Variants in MAP2K6 observed in about 807,000 individuals in gnomAD.
MAP2K6 encodes dual specificity mitogen-activated protein kinase kinase 6.
Under a neutral mutation model 53.7 loss-of-function variants are expected in MAP2K6, and 16 were observed. The ratio of observed to expected loss-of-function variants is 0.30; its 90% CI spans 0.20 to 0.45. The LOEUF is 0.45. Ranked by LOEUF, MAP2K6 falls within the 20% of genes least tolerant of loss-of-function variation. The pLI is 1.00. For synonymous variants in MAP2K6, 132 were observed against 143.1 expected (o/e 0.92, Z 0.55); for missense variants, 204 against 411.9 (o/e 0.50, Z 4.37).
In MAP2K6 at chr17:69,436,517, G is replaced by T. The variant is rs1359191854; in HGVS notation, c.16+21517G>T. Among the ~76,000 whole-genome samples, 10 of 152,336 alleles carry T rather than the reference G, an allele frequency of 6.6e-5. No homozygotes were observed. The East Asian group carries it at 1.9e-3, about 29-fold the overall frequency. On this transcript the variant is annotated intron_variant, in intron 1 of 11. Coordinates refer to ENST00000590474, the MANE Select transcript of MAP2K6 (RefSeq NM_002758.4). ...ATTCAGGCTCGGTGCCTGGCACGTA[G>T]TAGGTGGTCAACAAGTACCTTTAGA... is the stretch of plus-strand genomic sequence containing the variant.
At chr17:69,506,500 C>T (rs1186691022) in intron 2 of MAP2K6, among the ~76,000 whole-genome samples, 2 of 151,648 alleles carry the variant, frequency 1.3e-5, no homozygotes, top group African/African-American at 4.9e-5. Flanking sequence ...CCTACCAAGG[C>T]ATCTGCATGA....
At chr17:69,512,942 A>G (rs188355356) in intron 2 of MAP2K6, among the ~76,000 whole-genome samples, 2 of 152,338 alleles carry the variant, frequency 1.3e-5, no homozygotes, top group East Asian at 3.9e-4. Flanking sequence ...CTGGTTGTTC[A>G]TATAAAAAAA....
intron 10 of MAP2K6, among the ~76,000 whole-genome samples, chr17:69,528,490 T>C (rs1396271771): frequency 3.9e-5 from 6 of 152,122 alleles, no homozygotes; most frequent in African/African-American, 1.2e-4. Context: ...AAGACTTGTT[T>C]TTTGTGGATG....
chr17:69,485,823 A>G (rs1908513584), intron 1 of MAP2K6, among the ~76,000 whole-genome samples: 1 of 152,004 alleles, frequency 6.6e-6, no homozygotes, highest in Non-Finnish European at 1.5e-5. Context: ...CCTTTCCCTC[A>G]TGGGCTTTTT....
chr17:69,529,671 C>T (rs1039412659), intron 10 of MAP2K6, among the ~76,000 whole-genome samples: 7 of 151,702 alleles, frequency 4.6e-5, no homozygotes, highest in East Asian at 1.9e-4. Flanking sequence ...CCACCACGCC[C>T]GGCTAATTTT....
rs191821672 is a variant in MAP2K6 at position 69,497,047 on chromosome 17, A to G, written c.17-8733A>G. Reference sequence around the variant, plus strand: ...TTCTGTTCCTTTGTTCCTCTTATGCAGTAAGTGACCAGAGCCTATAGATTT... The same window carrying G: ...TTCTGTTCCTTTGTTCCTCTTATGCGGTAAGTGACCAGAGCCTATAGATTT... On this transcript the variant is annotated intron_variant, in intron 1 of 11. Coordinates refer to ENST00000590474, the MANE Select transcript of MAP2K6 (RefSeq NM_002758.4). Among the ~76,000 whole-genome samples the G allele has an allele frequency of 1.2e-4, 19 of 152,300 alleles. 1 individual carries two copies. The highest frequency in any genetic ancestry group is 3.9e-4 in the East Asian group (2 of 5,180).
At chr17:69,457,706 G>A (rs1480728006) in intron 1 of MAP2K6, among the ~76,000 whole-genome samples, 2 of 152,236 alleles carry the variant, frequency 1.3e-5, no homozygotes, top group Non-Finnish European at 2.9e-5. Context: ...TCAGGAGGCT[G>A]AGGCTGGAGG....
Position 69,505,772 on chromosome 17 carries a change from C to T in MAP2K6, c.17-8C>T, listed in dbSNP as rs1304295636. The T allele has an allele frequency of 4.3e-6, 7 of 1,612,348 alleles. No homozygotes were observed. In the East Asian group the frequency reaches 1.3e-4, roughly 31 times the overall value. On this transcript the variant is annotated splice_polypyrimidine_tract_variant and splice_region_variant and intron_variant, in intron 1 of 11. Transcript: ENST00000590474. Reference sequence around the variant, plus strand: ...TCCTTAACTTTTTCCTTTTGTCTTTCCCCATAGGCAAGAAGCGAAACCCTG... The same window carrying T: ...TCCTTAACTTTTTCCTTTTGTCTTTTCCCATAGGCAAGAAGCGAAACCCTG...
chr17:69,471,335 A>T (rs912562059), intron 1 of MAP2K6, among the ~76,000 whole-genome samples: 2 of 152,214 alleles, frequency 1.3e-5, no homozygotes, highest in African/African-American at 4.8e-5. Context: ...GGAATACTAT[A>T]CAGCCACAGA....
intron 1 of MAP2K6, among the ~76,000 whole-genome samples, chr17:69,449,557 CTTTA>C (rs778117871): frequency 0.14 from 14,635 of 103,498 alleles, 980 homozygotes; most frequent in African/African-American, 0.19. Flanking sequence ...TTCTTTCTTT[CTTTA>C]TTTCTTTCTT....
At chr17:69,417,930 T>C (rs1210546582) in intron 1 of MAP2K6, among the ~76,000 whole-genome samples, 1 of 152,234 alleles carries the variant, frequency 6.6e-6, no homozygotes, top group Non-Finnish European at 1.5e-5. Flanking sequence ...ATTTTAGTTT[T>C]AGAGAGCAAT....
chr17:69,463,526 G>A (rs2715806), intron 1 of MAP2K6, among the ~76,000 whole-genome samples: 48,440 of 147,202 alleles, frequency 0.33, 8,488 homozygotes, highest in Non-Finnish European at 0.41. Context: ...ATATACACAC[G>A]CAATCTTGGC....
At chr17:69,431,002 C>T (rs1443795016) in intron 1 of MAP2K6, among the ~76,000 whole-genome samples, 2 of 152,146 alleles carry the variant, frequency 1.3e-5, no homozygotes, top group Non-Finnish European at 2.9e-5. Flanking sequence ...CCCTTTGATC[C>T]AGCATTTTTA....
intron 10 of MAP2K6, among the ~76,000 whole-genome samples, chr17:69,533,754 A>G (rs1238535628): frequency 3.7e-5 from 3 of 80,104 alleles, no homozygotes; most frequent in Non-Finnish European, 2.7e-5. Context: ...TTTTTTTTTT[A>G]CCAGGGTCTG....
chr17:69,521,949 T>C (rs959037457), intron 7 of MAP2K6: 1 of 152,062 alleles, frequency 6.6e-6, no homozygotes, highest in Admixed American at 6.6e-5. Context: ...GAGACCAGCC[T>C]GCCCAACATG....
chr17:69,440,045 C>T (rs1906766781), intron 1 of MAP2K6, among the ~76,000 whole-genome samples: 2 of 152,038 alleles, frequency 1.3e-5, no homozygotes, highest in African/African-American at 2.4e-5. Flanking sequence ...GACTTGAACC[C>T]TCTGTACTTT....
chr17:69,455,525 T>C (rs925013010), intron 1 of MAP2K6, among the ~76,000 whole-genome samples: 1 of 152,190 alleles, frequency 6.6e-6, no homozygotes, highest in African/African-American at 2.4e-5. Context: ...CCCAGCCGAC[T>C]TTCTCTTAGG....
At chr17:69,477,627 G>A (rs557284497) in intron 1 of MAP2K6, 1 of 152,244 alleles carries the variant, frequency 6.6e-6, no homozygotes, top group East Asian at 1.9e-4. Flanking sequence ...CACTCCAAAG[G>A]GTCTAATGAG....
intron 1 of MAP2K6, among the ~76,000 whole-genome samples, chr17:69,469,982 AT>A (rs1205017070): frequency 6.6e-6 from 1 of 152,052 alleles, no homozygotes; most frequent in Non-Finnish European, 1.5e-5. Context: ...CGGGTGGATC[AT>A]TTGAGTCCAG....
Sources: allele counts gnomAD v4.1 joint callset (sites outside exome capture counted in the v4.1 genomes callset), GRCh38; gene constraint gnomAD v4.1.1; transcripts MANE v1.5; gene names NCBI Gene and HGNC (gene_info 2026-07-23, HGNC 2026-07-21).